MCU: variants seen among roughly 807,000 people sequenced by gnomAD.
MCU encodes the protein mitochondrial calcium uniporter, also known as calcium uniporter protein, mitochondrial.
A neutral mutation model predicts 45.2 loss-of-function variants in MCU; 12 were observed. That is an observed-to-expected ratio of 0.27 (90% CI 0.17 to 0.43). The LOEUF (loss-of-function observed/expected upper bound fraction) is 0.43, where lower values mean the gene tolerates loss of function less well. MCU is among the 20% of genes least tolerant of loss of function. The pLI is 1.00. For synonymous variants in MCU, 160 were observed against 165.1 expected, an observed-to-expected ratio of 0.97 and a Z score of 0.24; for missense variants, 324 against 436.7, an observed-to-expected ratio of 0.74 and a Z score of 2.30.
In MCU at chr10:72,700,656, A is replaced by G. The variant is rs1008505308; in HGVS notation, c.150+8355A>G. On this transcript the variant is annotated intron_variant, in intron 1 of 7. Transcript: ENST00000373053. Reference sequence around the variant, plus strand: ...TATAACTTCATAAATTTTTTCACCAATTGGGTCTAAAGCATGCTAAAGGTG... The same window carrying G: ...TATAACTTCATAAATTTTTTCACCAGTTGGGTCTAAAGCATGCTAAAGGTG... 5.3e-5 allele frequency among the ~76,000 whole-genome samples: 8 copies of G among 152,178 alleles called. No homozygotes were observed. In the South Asian group the frequency reaches 6.2e-4, roughly 12 times the overall value.
chr10:72,884,592 G>A (rs527508039), intron 7 of MCU, among the ~76,000 whole-genome samples: 1 of 150,472 alleles, frequency 6.6e-6, no homozygotes, highest in Admixed American at 6.6e-5. Context: ...AGAAGATGGT[G>A]TGTTTGCTCC....
intron 2 of MCU, among the ~76,000 whole-genome samples, chr10:72,839,958 C>G (rs1845023127): frequency 9.7e-6 from 1 of 103,108 alleles, no homozygotes; most frequent in Non-Finnish European, 2.0e-5. Context: ...AGCGAGACTC[C>G]GTCTCAAAAA....
chr10:72,796,561 G>T (rs550612891), intron 1 of MCU, among the ~76,000 whole-genome samples: 3 of 152,216 alleles, frequency 2.0e-5, no homozygotes, highest in Admixed American at 1.3e-4. Context: ...GTCTCGCTTT[G>T]TTACTCATGT....
chr10:72,806,585 G>A (rs988359377), intron 1 of MCU, among the ~76,000 whole-genome samples: 1 of 152,204 alleles, frequency 6.6e-6, no homozygotes, highest in African/African-American at 2.4e-5. Flanking sequence ...GGAACATACA[G>A]AACTAGTCAT....
At chr10:72,730,312 T>TC (rs1422383778) in intron 1 of MCU, among the ~76,000 whole-genome samples, 8 of 145,744 alleles carry the variant, frequency 5.5e-5, no homozygotes, top group Non-Finnish European at 9.0e-5. Flanking sequence ...TTTTTCTTTT[T>TC]TTTTTTTTTT....
At chr10:72,879,368 A>G (rs1845665874) in intron 6 of MCU, among the ~76,000 whole-genome samples, 1 of 152,216 alleles carries the variant, frequency 6.6e-6, no homozygotes, top group Admixed American at 6.5e-5. Flanking sequence ...AAGAGAGAAA[A>G]AAGTTTGCCT....
At chr10:72,729,535 G>A (rs1052096737) in intron 1 of MCU, among the ~76,000 whole-genome samples, 2 of 152,162 alleles carry the variant, frequency 1.3e-5, no homozygotes, top group Admixed American at 6.5e-5. Flanking sequence ...CCACAAACAC[G>A]TGAGATAAAT....
intron 6 of MCU, among the ~76,000 whole-genome samples, chr10:72,872,711 T>C (rs1845562067): frequency 6.6e-6 from 1 of 152,254 alleles, no homozygotes; most frequent in Non-Finnish European, 1.5e-5. Flanking sequence ...TTGTGAATAG[T>C]GCTGCGGTAA....
chr10:72,839,963 CAAAAAAAAAAAAA>C (rs34053459), intron 2 of MCU, among the ~76,000 whole-genome samples: 1 of 76,314 alleles, frequency 1.3e-5, no homozygotes, highest in African/African-American at 5.4e-5. Context: ...GACTCCGTCT[CAAAAAAAAAAAAA>C]AAAAAAAAAA....
intron 1 of MCU, among the ~76,000 whole-genome samples, chr10:72,820,698 G>T (rs1221623533): frequency 2.0e-5 from 3 of 152,070 alleles, no homozygotes; most frequent in African/African-American, 7.2e-5. Flanking sequence ...TTTTAGTAGG[G>T]ACGGGGTTTG....
intron 1 of MCU, among the ~76,000 whole-genome samples, chr10:72,726,674 A>G (rs1435808254): frequency 6.6e-6 from 1 of 152,188 alleles, no homozygotes; most frequent in East Asian, 1.9e-4. Context: ...AAAAAAATCA[A>G]AATTCAGTAT....
intron 1 of MCU, among the ~76,000 whole-genome samples, chr10:72,718,028 A>G (rs938432844): frequency 2.6e-5 from 4 of 152,214 alleles, no homozygotes; most frequent in African/African-American, 9.6e-5. Flanking sequence ...TTGATACATT[A>G]TTATTAACTA....
chr10:72,793,602 A>C (rs1844200195), intron 1 of MCU, among the ~76,000 whole-genome samples: 1 of 152,002 alleles, frequency 6.6e-6, no homozygotes, highest in South Asian at 2.1e-4. Flanking sequence ...TCTTGCTTGG[A>C]ATATCTCATA....
chr10:72,791,817 T>C (rs2132765390), intron 1 of MCU, among the ~76,000 whole-genome samples: 1 of 148,482 alleles, frequency 6.7e-6, no homozygotes, highest in East Asian at 1.9e-4. Flanking sequence ...TTTTCTTTTA[T>C]GTAGGAAATT....
rs554558392 is a variant in MCU at position 72,796,990 on chromosome 10, T to C, written c.151-37369T>C. 4.6e-5 allele frequency among the ~76,000 whole-genome samples: 7 copies of C among 152,212 alleles called. No homozygotes were observed. The South Asian group carries it at 1.4e-3, about 31-fold the overall frequency. On this transcript the variant is annotated intron_variant, in intron 1 of 7. Transcript: ENST00000373053. ...TATTGATGTTTTCTTTGTAACTTAG[T>C]GTTCAGTTTTCATAAATGTTGCATG...
At chr10:72,726,639 A>T (rs958423225) in intron 1 of MCU, among the ~76,000 whole-genome samples, 1 of 152,174 alleles carries the variant, frequency 6.6e-6, no homozygotes, top group African/African-American at 2.4e-5. Context: ...ATATTTAATG[A>T]TATAGGTTGA....
rs1406921897 is a variant in MCU at position 72,842,309 on chromosome 10, A to C, written c.220+7881A>C. The stretch of plus-strand genomic sequence containing the variant: ...CTTAAGGATTACCTCCACACAGAAA[A>C]CCTCACAAATGAAACTTGGATTTAT... On this transcript the variant is annotated intron_variant, in intron 2 of 7. Coordinates refer to ENST00000373053, the MANE Select transcript of MCU (RefSeq NM_138357.3). 2.0e-5 allele frequency among the ~76,000 whole-genome samples: 3 copies of C among 152,158 alleles called. No homozygotes were observed. In the East Asian group the frequency reaches 5.8e-4, roughly 29 times the overall value.
chr10:72,712,619 G>A (rs12412668), intron 1 of MCU, among the ~76,000 whole-genome samples: 13 of 152,298 alleles, frequency 8.5e-5, no homozygotes, highest in South Asian at 2.1e-4. Flanking sequence ...GAATTGTGTC[G>A]TGGTTTTATG....
At chr10:72,715,412 C>A (rs1459967161) in intron 1 of MCU, among the ~76,000 whole-genome samples, 1 of 152,112 alleles carries the variant, frequency 6.6e-6, no homozygotes, top group African/African-American at 2.4e-5. Context: ...GACTGTTGCA[C>A]AATAGAATAT....
Sources: allele counts gnomAD v4.1 joint callset (sites outside exome capture counted in the v4.1 genomes callset), GRCh38; gene constraint gnomAD v4.1.1; transcripts MANE v1.5; gene names NCBI Gene and HGNC (gene_info 2026-07-23, HGNC 2026-07-21).